The following CSMD1 variants were observed in gnomAD, a reference collection of about 807,000 sequenced individuals.
CSMD1 encodes the protein CUB and Sushi multiple domains 1, also known as CUB and sushi domain-containing protein 1.
In CSMD1, 213 loss-of-function variants were observed where a neutral mutation model predicts 417.5. The observed-to-expected ratio is 0.51, with a 90% confidence interval of 0.46 to 0.57. The LOEUF (loss-of-function observed/expected upper bound fraction) is 0.57, where lower values mean the gene tolerates loss of function less well. CSMD1 is among the 20% of genes least tolerant of loss of function. CSMD1 has a pLI of 0.00. For missense variants in CSMD1, 6,923 were observed against 4,529.7 expected (o/e 1.53, Z -15.17); for synonymous variants, 2,862 against 1,736.8 (o/e 1.65, Z -16.11).
chr8:4,607,565 A>C (rs910763603), intron 2 of CSMD1, among the ~76,000 whole-genome samples: 1 of 152,198 alleles, frequency 6.6e-6, no homozygotes, highest in Non-Finnish European at 1.5e-5. Flanking sequence ...CAAGGACCTC[A>C]TTAAATGCTC....
intron 1 of CSMD1, among the ~76,000 whole-genome samples, chr8:4,689,491 A>T (rs1246600560): frequency 6.6e-6 from 1 of 152,186 alleles, no homozygotes; most frequent in Non-Finnish European, 1.5e-5. Flanking sequence ...TTTCTTTATG[A>T]CGTATTTCTT....
At chr8:4,194,415 C>T (rs1325726829) in intron 3 of CSMD1, among the ~76,000 whole-genome samples, 3 of 152,258 alleles carry the variant, frequency 2.0e-5, no homozygotes, top group East Asian at 3.9e-4. Context: ...CTCCAAATAG[C>T]TTGTAAAATA....
At chr8:3,673,239 T>C (rs543655402) in intron 7 of CSMD1, among the ~76,000 whole-genome samples, 1 of 152,204 alleles carries the variant, frequency 6.6e-6, no homozygotes, top group Non-Finnish European at 1.5e-5. Flanking sequence ...CATTTCCAAA[T>C]TCGTTTCTAT....
chr8:3,187,747 T>C (rs1338509941), intron 36 of CSMD1, 122 bp downstream of exon 36: 1 of 701,082 alleles, frequency 1.4e-6, no homozygotes, highest in East Asian at 2.8e-5. Context: ...AGAGCAACCA[T>C]TATGGAGATA....
rs58737292 is a variant in CSMD1 at position 3,648,404 on chromosome 8, G to A, written c.1010-31607C>T. Among the ~76,000 whole-genome samples, 633 of 152,288 alleles carry A rather than the reference G, an allele frequency of 4.2e-3. 5 individuals carry two copies. The highest frequency in any genetic ancestry group is 0.015 in the African/African-American group (605 of 41,564). On this transcript the variant is annotated intron_variant, in intron 7 of 69. Coordinates refer to ENST00000635120, the MANE Select transcript of CSMD1 (RefSeq NM_033225.6). Reference sequence around the variant, plus strand: ...ACTTTGTGAGACTGACATGCTGCCTGCTGCACTAATGATGCAACTCAAATT... The same window carrying A: ...ACTTTGTGAGACTGACATGCTGCCTACTGCACTAATGATGCAACTCAAATT...
intron 23 of CSMD1, among the ~76,000 whole-genome samples, chr8:3,309,914 A>G (rs958334230): frequency 6.6e-6 from 1 of 152,186 alleles, no homozygotes; most frequent in Non-Finnish European, 1.5e-5. Context: ...AGTGACTAAG[A>G]AAATTTCCTT....
intron 1 of CSMD1, among the ~76,000 whole-genome samples, chr8:4,853,182 CCCAGGTGCTGCTAG>C: frequency 6.6e-6 from 1 of 152,264 alleles, no homozygotes; most frequent in Non-Finnish European, 1.5e-5. Context: ...CTAAAAGGGA[CCCAGGTGCTGCTAG>C]CCAAGACAAT....
At position 4,234,828 on chromosome 8, in the gene CSMD1, G is replaced by C. The variant is rs1465130265; in HGVS notation, c.415+185125C>G. On this transcript the variant is annotated intron_variant, in intron 3 of 69. Transcript: ENST00000635120. ...ACTGGTGGTTGGAGAGATAAGAACA[G>C]TCTCTGCACTGTGGGCGCCTTCTTG... Among the ~76,000 whole-genome samples, 8 of 152,266 alleles carry C rather than the reference G, an allele frequency of 5.3e-5. No individual in the cohort carries two copies. In the East Asian group the frequency reaches 9.7e-4, roughly 18 times the overall value.
At chr8:3,145,273 GC>G (rs1424432686) in intron 40 of CSMD1, among the ~76,000 whole-genome samples, 4 of 152,152 alleles carry the variant, frequency 2.6e-5, no homozygotes, top group African/African-American at 7.2e-5. Context: ...GAAAACCGGG[GC>G]CAGATTGGAA....
chr8:4,768,474 T>C (rs1796431496), intron 1 of CSMD1, among the ~76,000 whole-genome samples: 1 of 152,216 alleles, frequency 6.6e-6, no homozygotes, highest in Admixed American at 6.5e-5. Flanking sequence ...TTGATTCTCT[T>C]AAAGGCCTTG....
intron 10 of CSMD1, among the ~76,000 whole-genome samples, chr8:3,519,185 G>T (rs1235349807): frequency 6.6e-6 from 1 of 152,088 alleles, no homozygotes; most frequent in African/African-American, 2.4e-5. Context: ...TCCTGAACAC[G>T]TGATTAATTA....
chr8:4,055,018 G>A (rs1798618544), intron 3 of CSMD1, among the ~76,000 whole-genome samples: 2 of 152,284 alleles, frequency 1.3e-5, no homozygotes, highest in Admixed American at 1.3e-4. Context: ...GTGTGAAGAA[G>A]GCGCCTATTT....
intron 3 of CSMD1, among the ~76,000 whole-genome samples, chr8:4,297,160 A>T (rs1028298171): frequency 3.3e-5 from 5 of 152,156 alleles, no homozygotes; most frequent in Non-Finnish European, 5.9e-5. Flanking sequence ...CACATAAAAT[A>T]GTCATGAATA....
chr8:4,165,549 G>A (rs1343407519), intron 3 of CSMD1, among the ~76,000 whole-genome samples: 2 of 152,118 alleles, frequency 1.3e-5, no homozygotes, highest in South Asian at 2.1e-4. Flanking sequence ...GACCTCCGGT[G>A]CACCACCATG....
chr8:4,347,911 T>C (rs1336564992), intron 3 of CSMD1, among the ~76,000 whole-genome samples: 4 of 151,690 alleles, frequency 2.6e-5, no homozygotes, highest in Non-Finnish European at 2.9e-5. Flanking sequence ...AAAAGTTAAA[T>C]AAACAAGGAT....
At chr8:3,424,832 C>A (rs1033724651) in intron 12 of CSMD1, among the ~76,000 whole-genome samples, 3 of 152,186 alleles carry the variant, frequency 2.0e-5, no homozygotes, top group Admixed American at 2.0e-4. Flanking sequence ...TATCATCATT[C>A]TATTTTTTTA....
intron 26 of CSMD1, among the ~76,000 whole-genome samples, chr8:3,271,050 G>C (rs1193483306): frequency 6.6e-6 from 1 of 151,528 alleles, no homozygotes; most frequent in Non-Finnish European, 1.5e-5. Flanking sequence ...CTAGCAATAG[G>C]TATATCTCCC....
chr8:3,520,133 T>G (rs1797447097), intron 10 of CSMD1, among the ~76,000 whole-genome samples: 1 of 151,606 alleles, frequency 6.6e-6, no homozygotes, highest in South Asian at 2.1e-4. Flanking sequence ...GAGAAATAAT[T>G]TATATGAGAA....
At chr8:4,450,385 T>G (rs946022403) in intron 2 of CSMD1, among the ~76,000 whole-genome samples, 2 of 152,142 alleles carry the variant, frequency 1.3e-5, no homozygotes, top group Non-Finnish European at 1.5e-5. Context: ...CCCAGCACTT[T>G]GGAAGGCTGA....
Sources: gnomAD v4.1 joint callset for allele counts (sites outside exome capture counted in the v4.1 genomes callset) on GRCh38, gnomAD v4.1.1 for gene constraint, MANE v1.5 for transcripts, NCBI Gene and HGNC (gene_info 2026-07-23, HGNC 2026-07-21) for gene names.